TBC1D8B: variants seen among roughly 807,000 people sequenced by gnomAD.
TBC1D8B encodes the protein TBC1 domain family member 8B, also known as RP11-321G1.1.
A neutral mutation model predicts 82.9 loss-of-function variants in TBC1D8B; 75 were observed. That is an observed-to-expected ratio of 0.90 (90% CI 0.75 to 1.10). TBC1D8B has a LOEUF of 1.10. Among genes scored for constraint, TBC1D8B ranks in the 50% least tolerant of loss-of-function variants. The pLI is 0.00. For synonymous variants in TBC1D8B, 276 were observed against 276.8 expected, an observed-to-expected ratio of 1.00 and a Z score of 0.03; for missense variants, 794 against 796.9, an observed-to-expected ratio of 1.00 and a Z score of 0.04.
At chrX:106,833,593 C>A (rs1316986397) in intron 7 of TBC1D8B, among the ~76,000 whole-genome samples, 1 of 111,505 alleles carries the variant, frequency 9.0e-6, no homozygotes. Context: ...TATTTTATTT[C>A]TTTTGTCATT....
Position 106,870,729 on chromosome X carries a change from T to A in TBC1D8B, c.2883T>A (p.Ile961=). ...KHSPEKGKGK[I]DIQAYLSQWQ... The stretch of plus-strand genomic sequence containing the variant: ...CCCTTTCTTCAGGCAAAGGGAAAAT[T>A]GATATTCAAGCATATCTAAGTCAAT... The change falls in exon 20 of 21, where the codon ATT becomes ATA. Residue 961 remains isoleucine, a synonymous_variant. Coordinates refer to ENST00000357242, the MANE Select transcript of TBC1D8B (RefSeq NM_017752.3). The A allele has an allele frequency of 2.5e-6, 3 of 1,201,262 alleles. No homozygotes were observed. Among genetic ancestry groups the A allele is most frequent in the Non-Finnish European group, 3.4e-6 (3 of 887,899 alleles).
intron 1 of TBC1D8B, among the ~76,000 whole-genome samples, chrX:106,810,898 A>AC (rs199812256): frequency 1.1e-4 from 12 of 110,780 alleles, no homozygotes; most frequent in East Asian, 2.8e-4. Context: ...GATTAGTGTT[A>AC]CCCCCCCACT....
chrX:106,866,345 G>A (rs969405943), intron 16 of TBC1D8B, among the ~76,000 whole-genome samples: 4 of 111,439 alleles, frequency 3.6e-5, no homozygotes, highest in African/African-American at 9.8e-5. Flanking sequence ...CGACCTCCCC[G>A]TAAAAATTCA....
intron 7 of TBC1D8B, among the ~76,000 whole-genome samples, chrX:106,834,458 T>A (rs1349664356): frequency 9.0e-6 from 1 of 110,927 alleles, no homozygotes; most frequent in East Asian, 2.9e-4. Context: ...CCAAACCATA[T>A]CATTCCACCC....
At chrX:106,861,385 G>A (rs1020214180) in intron 14 of TBC1D8B, among the ~76,000 whole-genome samples, 1 of 111,816 alleles carries the variant, frequency 8.9e-6, no homozygotes, top group African/African-American at 3.3e-5. Flanking sequence ...CTAAGAACCT[G>A]TTTCATGAAT....
At chrX:106,829,515 G>C (rs1208954611) in intron 7 of TBC1D8B, 1 of 110,032 alleles carries the variant, frequency 9.1e-6, no homozygotes, top group African/African-American at 3.4e-5. Flanking sequence ...AACAAAGCTG[G>C]AGGCATCACA....
At chrX:106,854,048 TA>T in intron 13 of TBC1D8B, 149 bp from the exon 14 acceptor site, 1 of 394,083 alleles carries the variant, frequency 2.5e-6, no homozygotes, top group Non-Finnish European at 4.2e-6. Context: ...ACGTGGGAGG[TA>T]AAAATTTGCA....
chrX:106,840,916 A>T (rs755027724), intron 10 of TBC1D8B, 32 bp downstream of exon 10: 1 of 1,136,505 alleles, frequency 8.8e-7, no homozygotes, highest in Non-Finnish European at 1.2e-6. Flanking sequence ...AACTGTGTGT[A>T]TGTTCCAAAT....
Position 106,818,647 on chromosome X carries a change from C to T in TBC1D8B, c.131-16C>T. ...CTTGTAAAGTCCTTATTTCAACAAT[C>T]TTTCTATTACAACAGGGCTTCTGGT... On this transcript the variant is annotated splice_polypyrimidine_tract_variant and intron_variant, in intron 1 of 20. Coordinates refer to ENST00000357242, the MANE Select transcript of TBC1D8B (RefSeq NM_017752.3). 1 of 1,142,015 alleles carries T rather than the reference C, an allele frequency of 8.8e-7. No individual in the cohort carries two copies. Among genetic ancestry groups the T allele is most frequent in the South Asian group, 2.0e-5 (1 of 50,190 alleles). 94.1% of individuals were successfully genotyped at this position (1,142,015 alleles called of 1,213,427 possible).
At chrX:106,817,550 A>C (rs1203850579) in intron 1 of TBC1D8B, among the ~76,000 whole-genome samples, 1 of 111,637 alleles carries the variant, frequency 9.0e-6, no homozygotes, top group Non-Finnish European at 1.9e-5. Flanking sequence ...TATATGTATA[A>C]GGTATATATG....
intron 1 of TBC1D8B, among the ~76,000 whole-genome samples, chrX:106,804,347 T>C (rs1426657598): frequency 8.9e-6 from 1 of 111,850 alleles, no homozygotes; most frequent in Non-Finnish European, 1.9e-5. Context: ...GGACATTTTT[T>C]AAAATTTTGC....
chrX:106,869,343 C>T (rs1231667551), intron 18 of TBC1D8B, 142 bp from the exon 19 acceptor site: 4 of 361,563 alleles, frequency 1.1e-5, no homozygotes, highest in Non-Finnish European at 1.9e-5. Context: ...ATTTTGTCTT[C>T]TGATGATAGG....
At chrX:106,821,104 A>T in intron 3 of TBC1D8B, 109 bp downstream of exon 3, 1 of 431,545 alleles carries the variant, frequency 2.3e-6, no homozygotes, top group Admixed American at 4.3e-5. Flanking sequence ...ACCTTTCAGG[A>T]TTGGTAGAAA....
chrX:106,853,079 T>C (rs1932625547), intron 12 of TBC1D8B, among the ~76,000 whole-genome samples: 1 of 111,602 alleles, frequency 9.0e-6, no homozygotes, highest in African/African-American at 3.3e-5. Flanking sequence ...TTCTATTTGT[T>C]TGTATCCTCT....
intron 14 of TBC1D8B, among the ~76,000 whole-genome samples, chrX:106,862,326 G>A: frequency 9.0e-6 from 1 of 111,670 alleles, no homozygotes. Flanking sequence ...TTTTGTCTAA[G>A]TTAATTCAGA....
At position 106,827,316 on chromosome X, in the gene TBC1D8B, A is replaced by G. The variant is rs757248924; in HGVS notation, c.1182A>G (p.Gln394=). 7 of 1,210,773 alleles carry G rather than the reference A, an allele frequency of 5.8e-6. No individual in the cohort carries two copies. The highest frequency in any genetic ancestry group is 2.2e-5 in the Admixed American group (1 of 45,894). The change falls in exon 7 of 21, where the codon CAA becomes CAG. Residue 394 remains glutamine, a synonymous_variant. Transcript: ENST00000357242. ...TCAGATGCGGAGCAGCTTCAACTCA[A>G]TATCATGATATTAGCACAGAGGTAA... ...LRLRCGAAST[Q]YHDISTELAI... is the part of the protein sequence containing the mutation.
intron 7 of TBC1D8B, among the ~76,000 whole-genome samples, chrX:106,837,586 G>T (rs1932202927): frequency 9.0e-6 from 1 of 111,253 alleles, no homozygotes. Context: ...ATGTATTGCT[G>T]TTGGGAATGT....
chrX:106,810,660 A>G (rs759185505), intron 1 of TBC1D8B, among the ~76,000 whole-genome samples: 1 of 112,130 alleles, frequency 8.9e-6, no homozygotes, highest in Non-Finnish European at 1.9e-5. Context: ...TCAGTAATCT[A>G]TCAGATATCC....
intron 1 of TBC1D8B, chrX:106,814,104 G>A (rs1393515646): frequency 4.6e-5 from 5 of 108,034 alleles, no homozygotes; most frequent in African/African-American, 1.0e-4. Context: ...CTGAACATGC[G>A]GTGTTTGGTT....
Sources: gnomAD v4.1 joint callset for allele counts (sites outside exome capture counted in the v4.1 genomes callset) on GRCh38, gnomAD v4.1.1 for gene constraint, MANE v1.5 for transcripts, NCBI Gene and HGNC (gene_info 2026-07-23, HGNC 2026-07-21) for gene names.